The following EIF5B variants were observed in gnomAD, a reference collection of about 807,000 sequenced individuals.
EIF5B encodes the protein eIF-5B.
Under a neutral mutation model 147.5 loss-of-function variants are expected in EIF5B, and 47 were observed. The ratio of observed to expected loss-of-function variants is 0.32; its 90% confidence interval spans 0.25 to 0.41. The LOEUF (loss-of-function observed/expected upper bound fraction) is 0.41, where lower values mean the gene tolerates loss of function less well. Ranked by LOEUF, EIF5B falls within the 10% of genes least tolerant of loss-of-function variation. EIF5B has a pLI of 1.00. For missense variants in EIF5B, 1,064 were observed against 1,413.2 expected, an observed-to-expected ratio of 0.75 and a Z score of 3.96; for synonymous variants, 455 against 456.2, an observed-to-expected ratio of 1.00 and a Z score of 0.03.
intron 1 of EIF5B, among the ~76,000 whole-genome samples, chr2:99,355,610 GTTT>G (rs67037124): frequency 5.1e-5 from 5 of 98,616 alleles, no homozygotes; most frequent in Non-Finnish European, 7.8e-5. Flanking sequence ...TGTTTTTTGG[GTTT>G]TTTTTTTTTT....
chr2:99,379,182 A>T, intron 11 of EIF5B, 56 bp downstream of exon 11: 5 of 1,482,038 alleles, frequency 3.4e-6, no homozygotes, highest in Non-Finnish European at 3.7e-6. Flanking sequence ...ATGGTACCTT[A>T]TAAAAAAAAA....
At chr2:99,361,051 A>T (rs1674201066) in intron 3 of EIF5B, 97 bp from the exon 4 acceptor site, 4 of 1,134,804 alleles carry the variant, frequency 3.5e-6, no homozygotes, top group Non-Finnish European at 4.8e-6. Flanking sequence ...TTTTGAAATC[A>T]TTTTGAGATT....
Position 99,390,292 on chromosome 2 carries a change from A to T in EIF5B, c.2477A>T (p.His826Leu). Residue 826 changes from histidine to leucine, a missense_variant, in exon 16 of 24, where the codon CAT becomes CTT. Physicochemically the swap from His to Leu is moderately conservative, Grantham distance 99 (BLOSUM62 -3). Coordinates refer to ENST00000289371, the MANE Select transcript of EIF5B (RefSeq NM_015904.4). ...TFVSLVPTSA[H>L]TGDGMGSLIY... ...GTGTCTTTGGTACCTACCTCTGCAC[A>T]TACTGGTGATGGCATGGGAAGTCTG... 3 of 1,614,128 alleles carry T rather than the reference A, an allele frequency of 1.9e-6. No homozygotes were observed. The highest frequency in any genetic ancestry group is 2.5e-6 in the Non-Finnish European group (3 of 1,180,000).
At chr2:99,371,621 A>AT in intron 8 of EIF5B, 35 bp from the exon 9 acceptor site, 1 of 1,582,304 alleles carries the variant, frequency 6.3e-7, no homozygotes, top group South Asian at 1.2e-5. Context: ...TTTCTAAATA[A>AT]TTTTTGTGTC....
chr2:99,386,468 CGTGTGTGTGTGTGTGT>C (rs61494312), intron 14 of EIF5B, among the ~76,000 whole-genome samples: 96 of 142,410 alleles, frequency 6.7e-4, no homozygotes, highest in Non-Finnish European at 1.1e-3. Flanking sequence ...TTTTGTTTTG[CGTGTGTGTGTGTGTGT>C]GTGTGTGTGT....
At chr2:99,342,726 G>T (rs1394197426) in intron 1 of EIF5B, among the ~76,000 whole-genome samples, 1 of 151,988 alleles carries the variant, frequency 6.6e-6, no homozygotes, top group Non-Finnish European at 1.5e-5. Context: ...TGAACTCATG[G>T]ACTCAAGCAG....
chr2:99,398,690 G>T (rs1368581259), intron 22 of EIF5B, 58 bp from the exon 23 acceptor site: 1 of 1,533,610 alleles, frequency 6.5e-7, no homozygotes, highest in East Asian at 2.3e-5. Flanking sequence ...TCCAGCCATG[G>T]CGCCTGTGAT....
intron 1 of EIF5B, among the ~76,000 whole-genome samples, chr2:99,341,711 C>T (rs920987908): frequency 2.6e-5 from 4 of 152,114 alleles, no homozygotes; most frequent in Non-Finnish European, 5.9e-5. Flanking sequence ...CAAACTAAAA[C>T]TGAAAAGTTC....
chr2:99,365,455 A>C (rs1674305969), intron 6 of EIF5B, among the ~76,000 whole-genome samples: 1 of 152,188 alleles, frequency 6.6e-6, no homozygotes, highest in Non-Finnish European at 1.5e-5. Context: ...TTCTTAATGG[A>C]GAATATAGCT....
At chr2:99,357,722 T>C (rs1198169391) in intron 1 of EIF5B, among the ~76,000 whole-genome samples, 1 of 152,190 alleles carries the variant, frequency 6.6e-6, no homozygotes, top group Non-Finnish European at 1.5e-5. Flanking sequence ...CAGCCTTCTC[T>C]TCTCATGCAG....
At chr2:99,375,405 A>G (rs914169705) in intron 9 of EIF5B, among the ~76,000 whole-genome samples, 2 of 152,244 alleles carry the variant, frequency 1.3e-5, no homozygotes, top group Admixed American at 6.5e-5. Context: ...TGATCTGCCA[A>G]TAATGGGGAG....
Position 99,361,670 on chromosome 2 carries a change from GAA to G in EIF5B, c.770_771del (p.Glu257GlyfsTer6). The G allele has an allele frequency of 6.3e-7, 1 of 1,598,582 alleles. No individual in the cohort carries two copies. The highest frequency in any genetic ancestry group is 8.5e-7 in the Non-Finnish European group (1 of 1,176,484). The part of the protein sequence containing the change: ...KAKLRKLKEK[E>X]ELETGKKDQS... ...GAAACTGCGGAAGCTGAAAGAAAAA[GAA>G]GAGTTAGAAACAGGTAAAAAGGATC... On this transcript the variant is annotated frameshift_variant, in exon 4 of 24. Coordinates refer to ENST00000289371, the MANE Select transcript of EIF5B (RefSeq NM_015904.4). LOFTEE classifies it high-confidence loss of function.
intron 1 of EIF5B, among the ~76,000 whole-genome samples, chr2:99,351,316 C>A (rs180721145): frequency 1.3e-5 from 2 of 152,296 alleles, no homozygotes; most frequent in Non-Finnish European, 2.9e-5. Flanking sequence ...AGTATTATTC[C>A]ATTGCCTGGA....
rs999902708 is a variant in EIF5B at position 99,383,028 on chromosome 2, C to T, written c.2271+107C>T. Reference sequence around the variant, plus strand: ...TACAAGCATAGCTCATTTTATTGTGCTTCACTATATTGTGCTTCACAGATA... The same window carrying T: ...TACAAGCATAGCTCATTTTATTGTGTTTCACTATATTGTGCTTCACAGATA... On this transcript the variant is annotated intron_variant, in intron 14 of 23. Coordinates refer to ENST00000289371, the MANE Select transcript of EIF5B (RefSeq NM_015904.4). 15 of 1,128,236 alleles carry T rather than the reference C, an allele frequency of 1.3e-5. No homozygotes were observed. In the African/African-American group the frequency reaches 2.4e-4, roughly 18 times the overall value. 69.9% of individuals were successfully genotyped at this position (1,128,236 alleles called of 1,614,324 possible).
At chr2:99,388,386 A>C (rs1055005238) in intron 14 of EIF5B, among the ~76,000 whole-genome samples, 2 of 152,032 alleles carry the variant, frequency 1.3e-5, no homozygotes, top group African/African-American at 4.8e-5. Context: ...GAAAGTGCTC[A>C]GTCTTTCACC....
chr2:99,390,127 G>A (rs1237844904), intron 15 of EIF5B, 92 bp from the exon 16 acceptor site: 13 of 1,409,516 alleles, frequency 9.2e-6, no homozygotes, highest in Admixed American at 3.8e-5. Context: ...TCAAAATGAT[G>A]AGCCATTTGC....
chr2:99,365,841 T>C (rs372863467), intron 6 of EIF5B, among the ~76,000 whole-genome samples: 53 of 151,728 alleles, frequency 3.5e-4, no homozygotes, highest in African/African-American at 1.3e-3. Context: ...CATTCAAGGT[T>C]CCCCCCCACC....
chr2:99,391,733 T>C (rs1674935286), intron 17 of EIF5B, among the ~76,000 whole-genome samples: 1 of 150,428 alleles, frequency 6.6e-6, no homozygotes, highest in Admixed American at 6.6e-5. Context: ...CTGGCTCTTT[T>C]TTTTTTTTTT....
intron 1 of EIF5B, among the ~76,000 whole-genome samples, chr2:99,344,702 A>G (rs935749633): frequency 6.6e-6 from 1 of 152,150 alleles, no homozygotes; most frequent in African/African-American, 2.4e-5. Context: ...TTCCCAAAGT[A>G]CTGGGATTAT....
Sources: allele counts gnomAD v4.1 joint callset (sites outside exome capture counted in the v4.1 genomes callset), GRCh38; gene constraint gnomAD v4.1.1; transcripts MANE v1.5; gene names NCBI Gene and HGNC (gene_info 2026-07-23, HGNC 2026-07-21).